The following INPP4B variants were observed in gnomAD, a reference collection of about 807,000 sequenced individuals.
INPP4B encodes the protein inositol polyphosphate 4-phosphatase type II.
In INPP4B, 55 loss-of-function variants were observed where a neutral mutation model predicts 122.5. The observed-to-expected ratio is 0.45, with a 90% CI of 0.36 to 0.56. The LOEUF (loss-of-function observed/expected upper bound fraction) is 0.56, where lower values mean the gene tolerates loss of function less well. Ranked by LOEUF, INPP4B falls within the 20% of genes least tolerant of loss-of-function variation. INPP4B has a pLI of 0.00. For synonymous variants in INPP4B, 403 were observed against 388.7 expected, an observed-to-expected ratio of 1.04 and a Z score of -0.43; for missense variants, 1,000 against 1,097.7, an observed-to-expected ratio of 0.91 and a Z score of 1.26.
intron 2 of INPP4B, among the ~76,000 whole-genome samples, chr4:142,505,687 G>A (rs1436078368): frequency 6.6e-6 from 1 of 152,156 alleles, no homozygotes; most frequent in African/African-American, 2.4e-5. Flanking sequence ...GGTTAGAGGA[G>A]ATGGAAAGGT....
chr4:142,324,302 C>T (rs1399156056), intron 7 of INPP4B, among the ~76,000 whole-genome samples: 1 of 152,012 alleles, frequency 6.6e-6, no homozygotes, highest in Non-Finnish European at 1.5e-5. Context: ...TTATGCGTAG[C>T]CCTAGCCAAC....
rs562746799 is a variant in INPP4B, at chr4:142,468,572, GGA to G, written c.-190-5848_-190-5847del. Among the ~76,000 whole-genome samples the G allele has an allele frequency of 7.0e-4, 107 of 152,208 alleles. 3 individuals are homozygous for G. In the South Asian group the frequency reaches 0.022, roughly 31 times the overall value. Reference sequence around the variant, plus strand: ...TGAAAAGATTAATGCCCCTCTCCGGGGAGAGTAAGTGAGTCCTCACTTTGTTA... The same window carrying G: ...TGAAAAGATTAATGCCCCTCTCCGGGGAGTAAGTGAGTCCTCACTTTGTTA... On this transcript the variant is annotated intron_variant, in intron 2 of 25. Coordinates refer to ENST00000262992, the MANE Select transcript of INPP4B (RefSeq NM_001101669.3).
At chr4:142,033,164 C>T (rs1181851087) in intron 25 of INPP4B, among the ~76,000 whole-genome samples, 1 of 152,144 alleles carries the variant, frequency 6.6e-6, no homozygotes, top group Non-Finnish European at 1.5e-5. Context: ...TCCTGTAATC[C>T]AGGGGTAACC....
At chr4:142,569,380 G>T (rs1261292706) in intron 2 of INPP4B, among the ~76,000 whole-genome samples, 1 of 150,364 alleles carries the variant, frequency 6.7e-6, no homozygotes, top group Non-Finnish European at 1.5e-5. Flanking sequence ...GCTTGCTTTT[G>T]CTTATTAACA....
At chr4:142,779,596 G>C (rs753594375) in intron 1 of INPP4B, among the ~76,000 whole-genome samples, 3 of 152,134 alleles carry the variant, frequency 2.0e-5, no homozygotes, top group Non-Finnish European at 4.4e-5. Context: ...TATTGGTATG[G>C]CATCCCTTCC....
chr4:142,657,287 G>T (rs1055342429), intron 2 of INPP4B, among the ~76,000 whole-genome samples: 7 of 152,154 alleles, frequency 4.6e-5, no homozygotes, highest in Non-Finnish European at 8.8e-5. Flanking sequence ...AAAGACCACT[G>T]GTAAAATTCA....
At chr4:142,435,762 A>G (rs556578116) in intron 3 of INPP4B, among the ~76,000 whole-genome samples, 1 of 152,330 alleles carries the variant, frequency 6.6e-6, no homozygotes, top group Admixed American at 6.5e-5. Flanking sequence ...TTTTCCAAGG[A>G]ACTGTGCAAC....
chr4:142,819,479 T>C (rs2151148111), intron 1 of INPP4B, among the ~76,000 whole-genome samples: 1 of 152,226 alleles, frequency 6.6e-6, no homozygotes, highest in South Asian at 2.1e-4. Flanking sequence ...AAATTCAAAG[T>C]GAATCTTAGG....
rs1380792793 is a variant in INPP4B at position 142,344,969 on chromosome 4, C to T, written c.373-30207G>A. 2.0e-5 allele frequency among the ~76,000 whole-genome samples: 3 copies of T among 151,920 alleles called. No homozygotes were observed. In the East Asian group the frequency reaches 5.8e-4, roughly 29 times the overall value. ...CAACAGTATTTTCTCTAAATGAATACCTTAAAATAATACATTGTTCTCTTG... is the reference window on the plus strand; with the variant it reads ...CAACAGTATTTTCTCTAAATGAATATCTTAAAATAATACATTGTTCTCTTG... On this transcript the variant is annotated intron_variant, in intron 7 of 25. Transcript: ENST00000262992.
chr4:142,609,207 T>C (rs952174624), intron 2 of INPP4B, among the ~76,000 whole-genome samples: 3 of 151,110 alleles, frequency 2.0e-5, no homozygotes, highest in Non-Finnish European at 3.0e-5. Flanking sequence ...TAAATATTTA[T>C]TTATATTTAA....
chr4:142,143,728 A>G (rs1305626479), intron 18 of INPP4B, among the ~76,000 whole-genome samples: 1 of 152,096 alleles, frequency 6.6e-6, no homozygotes, highest in Non-Finnish European at 1.5e-5. Flanking sequence ...AATAAAATTT[A>G]GTTAAAGACT....
chr4:142,394,775 T>C (rs1272594068), intron 7 of INPP4B, among the ~76,000 whole-genome samples: 1 of 152,220 alleles, frequency 6.6e-6, no homozygotes, highest in Admixed American at 6.5e-5. Flanking sequence ...CTCTTCATGC[T>C]ATTAATTGCT....
At chr4:142,254,839 A>T (rs1463331599) in intron 11 of INPP4B, among the ~76,000 whole-genome samples, 4 of 152,136 alleles carry the variant, frequency 2.6e-5, no homozygotes. Flanking sequence ...ATTCAGATTC[A>T]GGAAATACAG....
chr4:142,240,827 C>T (rs972074174), intron 11 of INPP4B, among the ~76,000 whole-genome samples: 2 of 151,972 alleles, frequency 1.3e-5, no homozygotes, highest in Non-Finnish European at 2.9e-5. Flanking sequence ...CTTTAAATAC[C>T]ATGCAGATTT....
chr4:142,243,667 C>T (rs1860637859), intron 11 of INPP4B, among the ~76,000 whole-genome samples: 1 of 152,008 alleles, frequency 6.6e-6, no homozygotes, highest in South Asian at 2.1e-4. Context: ...TTTAGTAACA[C>T]ATTAATGAAA....
At chr4:142,085,454 T>C (rs1776275366) in intron 24 of INPP4B, among the ~76,000 whole-genome samples, 1 of 152,198 alleles carries the variant, frequency 6.6e-6, no homozygotes, top group Non-Finnish European at 1.5e-5. Flanking sequence ...AAAGGATGTT[T>C]GGGTCTGAAT....
intron 9 of INPP4B, among the ~76,000 whole-genome samples, chr4:142,291,162 T>A (rs1008177398): frequency 1.3e-5 from 2 of 152,122 alleles, no homozygotes; most frequent in Non-Finnish European, 2.9e-5. Context: ...GACCAAAAGC[T>A]TTTCCTTATA....
intron 2 of INPP4B, among the ~76,000 whole-genome samples, chr4:142,610,566 T>C (rs866580744): frequency 1.3e-5 from 2 of 152,184 alleles, no homozygotes; most frequent in African/African-American, 4.8e-5. Context: ...TTTTCATATT[T>C]GTAAATTAAA....
intron 2 of INPP4B, among the ~76,000 whole-genome samples, chr4:142,618,874 A>AAAATAAATAAAT (rs558966100): frequency 2.7e-4 from 41 of 151,542 alleles, no homozygotes; most frequent in African/African-American, 8.0e-4. Flanking sequence ...ACTCAATGGC[A>AAAATAAATAAAT]AAATAAATAA....
Sources: gnomAD v4.1 joint callset for allele counts (sites outside exome capture counted in the v4.1 genomes callset) on GRCh38, gnomAD v4.1.1 for gene constraint, MANE v1.5 for transcripts, NCBI Gene and HGNC (gene_info 2026-07-23, HGNC 2026-07-21) for gene names.